The following CMPK1 variants were observed in gnomAD, a reference collection of about 807,000 sequenced individuals.
CMPK1 encodes the protein cytidine/uridine monophosphate kinase 1, also known as UMP-CMP kinase.
In CMPK1, 10 loss-of-function variants were observed where a neutral mutation model predicts 25.7. The ratio of observed to expected loss-of-function variants is 0.39; its 90% confidence interval spans 0.24 to 0.66. CMPK1 has a LOEUF of 0.66. Among genes scored for constraint, CMPK1 ranks in the 30% least tolerant of loss-of-function variants. CMPK1 has a pLI of 0.48. For synonymous variants in CMPK1, 106 were observed against 101.5 expected (o/e 1.04, Z -0.27); for missense variants, 199 against 280.5 (o/e 0.71, Z 2.08).
chr1:47,369,938 G>C (rs1232877389), intron 2 of CMPK1, among the ~76,000 whole-genome samples: 19 of 125,500 alleles, frequency 1.5e-4, no homozygotes, highest in African/African-American at 5.9e-4. Flanking sequence ...GCGGGGAGAC[G>C]GAGTTTCGCT....
At chr1:47,360,273 G>A (rs534179479) in intron 1 of CMPK1, among the ~76,000 whole-genome samples, 61 of 152,240 alleles carry the variant, frequency 4.0e-4, no homozygotes, top group Admixed American at 1.6e-3. Context: ...CAAAATGGCT[G>A]AGATGAATTA....
At chr1:47,356,345 C>T (rs372105334) in intron 1 of CMPK1, among the ~76,000 whole-genome samples, 1 of 151,948 alleles carries the variant, frequency 6.6e-6, no homozygotes, top group East Asian at 1.9e-4. Flanking sequence ...TCTGGAGTCC[C>T]TTGAGTTTCA....
intron 1 of CMPK1, among the ~76,000 whole-genome samples, chr1:47,345,621 GT>G (rs1294156873): frequency 3.3e-5 from 5 of 151,180 alleles, no homozygotes; most frequent in Admixed American, 6.6e-5. Context: ...AGCCTCCTAA[GT>G]AGCTGGGACT....
intron 1 of CMPK1, among the ~76,000 whole-genome samples, chr1:47,356,849 T>A (rs1185279537): frequency 2.0e-5 from 3 of 152,060 alleles, no homozygotes. Flanking sequence ...TTAGTAGAGA[T>A]GGGATTTCAC....
rs34592236 is a variant in CMPK1 at position 47,354,599 on chromosome 1, C to CTTTTTTT, written c.172-13857_172-13851dup. ...ATAGTGCTTATTGTTTTGTGACTTG[C>CTTTTTTT]TTTTTTTTTTTTTTTTTTTGCTTAG... is the stretch of plus-strand genomic sequence containing the variant. On this transcript the variant is annotated intron_variant, in intron 1 of 5. Transcript: ENST00000371873. 6.4e-4 allele frequency among the ~76,000 whole-genome samples: 68 copies of CTTTTTTT among 105,478 alleles called. 1 individual carries two copies. Among genetic ancestry groups the CTTTTTTT allele is most frequent in the East Asian group, 1.6e-3 (5 of 3,154 alleles). 69.2% of individuals were successfully genotyped at this position (105,478 alleles called of 152,430 possible).
rs545929049 is a variant in CMPK1, at chr1:47,346,142, C to G, written c.171+12026C>G. On this transcript the variant is annotated intron_variant, in intron 1 of 5. Coordinates refer to ENST00000371873, the MANE Select transcript of CMPK1 (RefSeq NM_016308.3). ...TTGGCTCACTGCAACCTCTGCCTCC[C>G]GGGTTCAAGAGATTCTCCTGCCTCA... 2.7e-3 allele frequency among the ~76,000 whole-genome samples: 413 copies of G among 151,626 alleles called. 3 individuals carry two copies. The highest frequency in any genetic ancestry group is 9.1e-3 in the African/African-American group (378 of 41,354).
chr1:47,336,345 G>C (rs1646398891), intron 1 of CMPK1, among the ~76,000 whole-genome samples: 1 of 152,088 alleles, frequency 6.6e-6, no homozygotes, highest in South Asian at 2.1e-4. Flanking sequence ...CCTGTGAAAA[G>C]GGAAAACATA....
At chr1:47,363,647 T>TAAAC (rs146652772) in intron 1 of CMPK1, among the ~76,000 whole-genome samples, 4 of 146,820 alleles carry the variant, frequency 2.7e-5, no homozygotes, top group African/African-American at 1.0e-4. Context: ...CAAAAACAAA[T>TAAAC]AAACAAACAA....
intron 1 of CMPK1, among the ~76,000 whole-genome samples, chr1:47,335,153 GT>G (rs1396930577): frequency 1.3e-5 from 2 of 152,028 alleles, no homozygotes; most frequent in African/African-American, 2.4e-5. Flanking sequence ...ACCAACAAAA[GT>G]TTTTTTGACC....
At chr1:47,371,495 T>G (rs1240650941) in intron 2 of CMPK1, among the ~76,000 whole-genome samples, 4 of 152,264 alleles carry the variant, frequency 2.6e-5, no homozygotes, top group Non-Finnish European at 5.9e-5. Context: ...TCTTGTAGTA[T>G]TTAACTTTAA....
Position 47,333,951 on chromosome 1 carries a change from G to A in CMPK1, c.6G>A (p.Leu2=). The part of the protein sequence containing the change: M[L]SRCRSGLLHV... ...GTCCGGCCGAGGCGCGGTGTATGCT[G>A]AGCCGCTGCCGCAGCGGGCTGCTCC... The change falls in exon 1 of 6, where the codon CTG becomes CTA. Residue 2 remains leucine (L), a synonymous_variant. Coordinates refer to ENST00000371873, the MANE Select transcript of CMPK1 (RefSeq NM_016308.3). 6.8e-7 allele frequency: 1 copy of A among 1,478,418 alleles called. No individual in the cohort carries two copies. Among genetic ancestry groups the A allele is most frequent in the Non-Finnish European group, 9.0e-7 (1 of 1,106,392 alleles). 91.6% of individuals were successfully genotyped at this position (1,478,418 alleles called of 1,614,324 possible).
intron 1 of CMPK1, among the ~76,000 whole-genome samples, chr1:47,347,783 C>T (rs1437984242): frequency 6.6e-6 from 1 of 152,116 alleles, no homozygotes; most frequent in Non-Finnish European, 1.5e-5. Flanking sequence ...GCGCCGTTAC[C>T]ATGCCTGGCT....
chr1:47,370,768 C>A, intron 2 of CMPK1, among the ~76,000 whole-genome samples: 1 of 137,240 alleles, frequency 7.3e-6, no homozygotes, highest in Non-Finnish European at 1.5e-5. Context: ...GAAACCCCAT[C>A]TCTACTAAAA....
In CMPK1 at chr1:47,334,083, C is replaced by T. The variant is rs765506640; in HGVS notation, c.138C>T (p.Ala46=). 2.3e-5 allele frequency: 35 copies of T among 1,536,056 alleles called. No homozygotes were observed. The Admixed American group carries it at 3.6e-4, about 16-fold the overall frequency. ...LVVFVLGGPG[A]GKGTQCARIV... is the part of the protein sequence containing the mutation. The stretch of plus-strand genomic sequence containing the variant: ...TGTTCGTCCTCGGCGGCCCCGGCGC[C>T]GGCAAGGGGACCCAGTGCGCCCGCA... Residue 46 remains alanine (A), a synonymous_variant, in exon 1 of 6, where the codon GCC becomes GCT. Transcript: ENST00000371873.
chr1:47,369,891 T>A lies in CMPK1; in HGVS notation c.318+1276T>A, dbSNP rs552981991. 7.8e-3 allele frequency among the ~76,000 whole-genome samples: 1,080 copies of A among 139,326 alleles called. 13 individuals carry two copies. Among genetic ancestry groups the A allele is most frequent in the African/African-American group, 0.027 (1,014 of 37,320 alleles). The allele number at this position is 139,326 out of a possible 152,430, so 91.4% of individuals were successfully genotyped here. A position where few individuals can be genotyped will look rare whatever the true frequency, so the allele number is the denominator to read the frequency against. ...TTTTTTTTTTTTAAATAAACCTCTT[T>A]CTTTCTTCTTTCTCTCTCTTTTTTT... is the stretch of plus-strand genomic sequence containing the variant. On this transcript the variant is annotated intron_variant, in intron 2 of 5. Coordinates refer to ENST00000371873, the MANE Select transcript of CMPK1 (RefSeq NM_016308.3).
chr1:47,372,347 T>C (rs1323570858), intron 2 of CMPK1, among the ~76,000 whole-genome samples: 1 of 152,194 alleles, frequency 6.6e-6, no homozygotes, highest in Non-Finnish European at 1.5e-5. Context: ...CCAGTGACAT[T>C]TGGGTTTAAT....
chr1:47,336,549 G>A (rs1447557722), intron 1 of CMPK1, among the ~76,000 whole-genome samples: 1 of 151,972 alleles, frequency 6.6e-6, no homozygotes, highest in African/African-American at 2.4e-5. Context: ...TTGAGATCGA[G>A]TCTCTCTGTG....
chr1:47,355,711 A>C (rs1427889298), intron 1 of CMPK1, among the ~76,000 whole-genome samples: 2 of 150,124 alleles, frequency 1.3e-5, no homozygotes, highest in Non-Finnish European at 3.0e-5. Context: ...AGTTCAAATG[A>C]TTCTCATGCC....
At chr1:47,342,642 CTTTTTTCT>C (rs1267270536) in intron 1 of CMPK1, among the ~76,000 whole-genome samples, 1 of 118,464 alleles carries the variant, frequency 8.4e-6, no homozygotes, top group Non-Finnish European at 1.7e-5. Flanking sequence ...TCCTTTTTCT[CTTTTTTCT>C]TTTTTTTTTT....
Sources: gnomAD v4.1 joint callset for allele counts (sites outside exome capture counted in the v4.1 genomes callset) on GRCh38, gnomAD v4.1.1 for gene constraint, MANE v1.5 for transcripts, NCBI Gene and HGNC (gene_info 2026-07-23, HGNC 2026-07-21) for gene names.